Variants in APBA2 observed in about 807,000 individuals in gnomAD.
The protein encoded by APBA2 is amyloid-beta A4 precursor protein-binding family A member 2.
APBA2 carries 30 observed loss-of-function variants against 75.0 expected under a neutral mutation model. The observed-to-expected ratio is 0.40, with a 90% CI of 0.30 to 0.54. APBA2 has a LOEUF of 0.54. Ranked by LOEUF, APBA2 falls within the 20% of genes least tolerant of loss-of-function variation. APBA2 has a pLI of 0.49. For missense variants in APBA2, 801 were observed against 1,016.1 expected, an observed-to-expected ratio of 0.79 and a Z score of 2.88; for synonymous variants, 444 against 409.6, an observed-to-expected ratio of 1.08 and a Z score of -1.01.
intron 10 of APBA2, among the ~76,000 whole-genome samples, chr15:29,104,955 G>A (rs988383559): frequency 3.9e-5 from 6 of 152,094 alleles, no homozygotes; most frequent in African/African-American, 1.4e-4. Flanking sequence ...GGATGTGGTT[G>A]TGCTCACCTA....
intron 4 of APBA2, among the ~76,000 whole-genome samples, chr15:29,062,814 G>A (rs1274118432): frequency 1.3e-5 from 2 of 152,198 alleles, no homozygotes; most frequent in African/African-American, 2.4e-5. Flanking sequence ...TCAGGAAGCC[G>A]GCATCCCACC....
At chr15:28,998,843 C>T (rs557047705) in intron 3 of APBA2, among the ~76,000 whole-genome samples, 7 of 152,308 alleles carry the variant, frequency 4.6e-5, no homozygotes, top group South Asian at 2.1e-4. Flanking sequence ...TACCAGTAAA[C>T]GGCCATAGAA....
At chr15:28,907,783 G>A (rs138512251) in intron 1 of APBA2, among the ~76,000 whole-genome samples, 3,295 of 152,286 alleles carry the variant, frequency 0.022, 91 homozygotes, top group South Asian at 0.066. Context: ...GTGTGATGCT[G>A]AAAACCAGGA....
intron 13 of APBA2, among the ~76,000 whole-genome samples, chr15:29,113,662 TTGG>T (rs1345843959): frequency 6.6e-6 from 1 of 152,152 alleles, no homozygotes; most frequent in Non-Finnish European, 1.5e-5. Context: ...GTCAGAAAAC[TTGG>T]TGGTTCCCCA....
intron 2 of APBA2, among the ~76,000 whole-genome samples, chr15:28,935,748 G>A (rs945184396): frequency 1.3e-5 from 2 of 152,192 alleles, no homozygotes; most frequent in Non-Finnish European, 2.9e-5. Context: ...GAAGGGAGTC[G>A]GGGCAAGGGC....
chr15:29,080,282 G>A (rs962508626), intron 6 of APBA2, among the ~76,000 whole-genome samples: 25 of 152,170 alleles, frequency 1.6e-4, no homozygotes, highest in African/African-American at 5.8e-4. Context: ...GTTAGGATTC[G>A]AACCAGTCTG....
intron 3 of APBA2, among the ~76,000 whole-genome samples, chr15:29,037,502 G>T (rs577111258): frequency 2.0e-5 from 3 of 152,080 alleles, no homozygotes; most frequent in Non-Finnish European, 4.4e-5. Context: ...TAGAGGGGCA[G>T]CTTCCAGGCC....
chr15:29,117,686 G>GATTGATTGTT lies in APBA2; in HGVS notation c.*553_*554insATTGATTGTT. On this transcript the variant is annotated 3_prime_UTR_variant, in exon 15 of 15. Coordinates refer to ENST00000683413, the MANE Select transcript of APBA2 (RefSeq NM_001353788.2). ...GGGACATGTGATTGATTGATTGATT[G>GATTGATTGTT]TAAATAAAGGATGATGGCCACAACA... is the stretch of plus-strand genomic sequence containing the variant. 6.2e-6 allele frequency: 1 copy of GATTGATTGTT among 160,042 alleles called. No individual in the cohort carries two copies. Among genetic ancestry groups the GATTGATTGTT allele is most frequent in the Non-Finnish European group, 1.4e-5 (1 of 72,540 alleles). 9.9% of individuals were successfully genotyped at this position (160,042 alleles called of 1,614,324 possible). A position where few individuals can be genotyped will look rare whatever the true frequency, so the allele number is the denominator to read the frequency against.
At chr15:29,057,710 T>C (rs1464764788) in intron 4 of APBA2, among the ~76,000 whole-genome samples, 1 of 152,276 alleles carries the variant, frequency 6.6e-6, no homozygotes, top group Non-Finnish European at 1.5e-5. Context: ...GATGATGTGC[T>C]GTATAACATA....
At chr15:28,972,324 A>G (rs909150016) in intron 2 of APBA2, among the ~76,000 whole-genome samples, 1 of 152,234 alleles carries the variant, frequency 6.6e-6, no homozygotes, top group Non-Finnish European at 1.5e-5. Flanking sequence ...CTTTCCTAAA[A>G]TAAAATTAAG....
chr15:28,927,365 T>A (rs761147322), intron 2 of APBA2, among the ~76,000 whole-genome samples: 14 of 151,988 alleles, frequency 9.2e-5, no homozygotes, highest in Non-Finnish European at 2.1e-4. Flanking sequence ...GTTTTGTTCT[T>A]AGTATTTACT....
rs1036470351 is a variant in APBA2 at position 29,033,887 on chromosome 15, C to T, written c.-40-19958C>T. Among the ~76,000 whole-genome samples the T allele has an allele frequency of 4.7e-5, 7 of 148,894 alleles. No individual in the cohort carries two copies. The South Asian group carries it at 6.5e-4, about 14-fold the overall frequency. ...AGCTGAGGCAGGAGAATGGCGTTAACCCAGGAGGTGGAGCTTGCAGTGAGC... is the reference window on the plus strand; with the variant it reads ...AGCTGAGGCAGGAGAATGGCGTTAATCCAGGAGGTGGAGCTTGCAGTGAGC... On this transcript the variant is annotated intron_variant, in intron 3 of 14. Coordinates refer to ENST00000683413, the MANE Select transcript of APBA2 (RefSeq NM_001353788.2).
intron 2 of APBA2, among the ~76,000 whole-genome samples, chr15:28,982,493 C>T (rs1015738519): frequency 1.6e-4 from 24 of 152,222 alleles, no homozygotes; most frequent in Non-Finnish European, 5.9e-5. Flanking sequence ...CTTGTTAGCA[C>T]AGGTCCAGTT....
At chr15:29,061,955 G>A (rs1235517320) in intron 4 of APBA2, among the ~76,000 whole-genome samples, 1 of 152,168 alleles carries the variant, frequency 6.6e-6, no homozygotes, top group African/African-American at 2.4e-5. Flanking sequence ...GTGTGCAGAT[G>A]GGGTGGTCCT....
chr15:28,927,874 T>G (rs921980470), intron 2 of APBA2, among the ~76,000 whole-genome samples: 2 of 151,242 alleles, frequency 1.3e-5, no homozygotes, highest in Non-Finnish European at 2.9e-5. Flanking sequence ...CTGGGCGCGG[T>G]GGCTCACACC....
chr15:29,001,013 A>T (rs1249652087), intron 3 of APBA2, among the ~76,000 whole-genome samples: 2 of 151,644 alleles, frequency 1.3e-5, no homozygotes, highest in South Asian at 2.1e-4. Context: ...CTTTATCTTC[A>T]CAGACGAGGC....
chr15:29,006,456 A>G (rs2039119773), intron 3 of APBA2, among the ~76,000 whole-genome samples: 2 of 152,248 alleles, frequency 1.3e-5, no homozygotes, highest in Admixed American at 1.3e-4. Flanking sequence ...AGAAGACAAT[A>G]TTGTTAAGAT....
At chr15:28,887,848 T>C (rs2031857196) in intron 1 of APBA2, among the ~76,000 whole-genome samples, 1 of 152,134 alleles carries the variant, frequency 6.6e-6, no homozygotes, top group Non-Finnish European at 1.5e-5. Flanking sequence ...GACTGGGTGA[T>C]GGCATTAGCG....
chr15:29,064,406 A>G (rs2042286813), intron 4 of APBA2, among the ~76,000 whole-genome samples: 1 of 152,210 alleles, frequency 6.6e-6, no homozygotes, highest in South Asian at 2.1e-4. Flanking sequence ...TGCAAAGGTG[A>G]AAGTGGCATT....
Sources: allele counts gnomAD v4.1 joint callset (sites outside exome capture counted in the v4.1 genomes callset), GRCh38; gene constraint gnomAD v4.1.1; transcripts MANE v1.5; gene names NCBI Gene and HGNC (gene_info 2026-07-23, HGNC 2026-07-21).